BRINP3: variants seen among roughly 807,000 people sequenced by gnomAD.
The protein encoded by BRINP3 is BMP/retinoic acid inducible neural specific 3.
BRINP3 carries 19 observed loss-of-function variants against 71.0 expected under a neutral mutation model. That is an observed-to-expected ratio of 0.27 (90% CI 0.19 to 0.39). BRINP3 has a LOEUF of 0.39. BRINP3 is among the 10% of genes least tolerant of loss of function. The pLI, the probability that BRINP3 is intolerant of heterozygous loss-of-function variation, is 1.00. For synonymous variants in BRINP3, 380 were observed against 337.7 expected, an observed-to-expected ratio of 1.13 and a Z score of -1.37; for missense variants, 959 against 940.8, an observed-to-expected ratio of 1.02 and a Z score of -0.25.
chr1:190,409,945 A>G (rs539350722), intron 2 of BRINP3, among the ~76,000 whole-genome samples: 1 of 152,166 alleles, frequency 6.6e-6, no homozygotes, highest in African/African-American at 2.4e-5. Context: ...GGAAACCATT[A>G]GACTGTTTTA....
At chr1:190,234,582 T>A (rs1185936254) in intron 4 of BRINP3, 105 bp from the exon 5 acceptor site, 1 of 778,264 alleles carries the variant, frequency 1.3e-6, no homozygotes. Context: ...ACAGTAAATA[T>A]CACTGAAAGG....
At chr1:190,261,795 A>G (rs1039081997) in intron 4 of BRINP3, among the ~76,000 whole-genome samples, 2 of 152,210 alleles carry the variant, frequency 1.3e-5, no homozygotes, top group African/African-American at 4.8e-5. Context: ...TTAGTTTGAC[A>G]ATTTAAAGCA....
intron 7 of BRINP3, among the ~76,000 whole-genome samples, chr1:190,149,966 A>T (rs1217711303): frequency 6.6e-6 from 1 of 151,960 alleles, no homozygotes; most frequent in East Asian, 1.9e-4. Flanking sequence ...GAGATAGGAG[A>T]TTTTTATTTC....
intron 7 of BRINP3, 34 bp from the exon 8 acceptor site, chr1:190,099,168 T>C: frequency 1.3e-6 from 2 of 1,589,120 alleles, no homozygotes; most frequent in Non-Finnish European, 1.7e-6. Context: ...TCTACATAAA[T>C]ACAAAGATAT....
intron 7 of BRINP3, among the ~76,000 whole-genome samples, chr1:190,122,491 T>A (rs1008497917): frequency 6.7e-6 from 1 of 149,134 alleles, no homozygotes; most frequent in South Asian, 2.1e-4. Context: ...CAGAGGCAGA[T>A]TGAAGTAATG....
chr1:190,199,962 C>T (rs1654855831), intron 6 of BRINP3, among the ~76,000 whole-genome samples: 1 of 151,836 alleles, frequency 6.6e-6, no homozygotes, highest in South Asian at 2.1e-4. Context: ...ACCATTTTTC[C>T]CTCTTAGTTT....
intron 4 of BRINP3, among the ~76,000 whole-genome samples, chr1:190,257,238 A>T (rs1302702244): frequency 6.6e-6 from 1 of 151,792 alleles, no homozygotes; most frequent in Non-Finnish European, 1.5e-5. Context: ...CATTAATTTG[A>T]TCTTCAATCA....
chr1:190,351,218 A>ATG lies in BRINP3; in HGVS notation c.237-69470_237-69469dup, dbSNP rs370905446. 2.6e-4 allele frequency among the ~76,000 whole-genome samples: 40 copies of ATG among 151,582 alleles called. No homozygotes were observed. In the South Asian group the frequency reaches 3.1e-3, roughly 12 times the overall value. ...ATTTTAGAGATCTTACACATTGTGT[A>ATG]TGTGTGTGTGTGTGTTTTGCATTGC... On this transcript the variant is annotated intron_variant, in intron 2 of 7. Coordinates refer to ENST00000367462, the MANE Select transcript of BRINP3 (RefSeq NM_199051.3).
intron 6 of BRINP3, among the ~76,000 whole-genome samples, chr1:190,224,742 A>T (rs896111645): frequency 2.0e-5 from 3 of 151,980 alleles, no homozygotes; most frequent in African/African-American, 7.2e-5. Flanking sequence ...CTGTCCAGGG[A>T]TTAATAACCA....
intron 2 of BRINP3, among the ~76,000 whole-genome samples, chr1:190,338,588 A>G (rs1188594112): frequency 6.6e-6 from 1 of 152,064 alleles, no homozygotes; most frequent in African/African-American, 2.4e-5. Flanking sequence ...ATATCAAAAC[A>G]TAAGTGATGT....
chr1:190,133,668 T>G (rs1031565815), intron 7 of BRINP3, among the ~76,000 whole-genome samples: 8 of 152,072 alleles, frequency 5.3e-5, no homozygotes, highest in African/African-American at 1.7e-4. Context: ...AAAAACATGA[T>G]GCATAATACA....
chr1:190,195,627 G>A (rs1195273479), intron 6 of BRINP3, among the ~76,000 whole-genome samples: 4 of 151,676 alleles, frequency 2.6e-5, no homozygotes, highest in Admixed American at 1.3e-4. Context: ...TCATAGAAAG[G>A]TACATACATA....
intron 1 of BRINP3, among the ~76,000 whole-genome samples, chr1:190,464,142 T>A (rs918639500): frequency 6.6e-6 from 1 of 151,348 alleles, no homozygotes; most frequent in Non-Finnish European, 1.5e-5. Context: ...AAAGTGTTTT[T>A]TTTTAAAAAA....
At chr1:190,402,937 GGC>G (rs1294043663) in intron 2 of BRINP3, among the ~76,000 whole-genome samples, 1 of 152,068 alleles carries the variant, frequency 6.6e-6, no homozygotes. Context: ...ATGTTGCCCA[GGC>G]TGGTCTCCAA....
chr1:190,148,442 A>G (rs2102412470), intron 7 of BRINP3, among the ~76,000 whole-genome samples: 1 of 151,840 alleles, frequency 6.6e-6, no homozygotes, highest in African/African-American at 2.4e-5. Flanking sequence ...AAATACAAAA[A>G]AAAACTAGCC....
chr1:190,441,595 CATAGGAGCT>C (rs1207120086), intron 2 of BRINP3, among the ~76,000 whole-genome samples: 1 of 152,028 alleles, frequency 6.6e-6, no homozygotes, highest in Non-Finnish European at 1.5e-5. Flanking sequence ...CAAATGAATA[CATAGGAGCT>C]ATTCCTTTAA....
intron 2 of BRINP3, among the ~76,000 whole-genome samples, chr1:190,358,297 C>G (rs1449888623): frequency 6.6e-6 from 1 of 152,122 alleles, no homozygotes; most frequent in Admixed American, 6.6e-5. Context: ...CTACAATGAA[C>G]TCAAACAAAT....
At chr1:190,443,646 G>T (rs1440211452) in intron 2 of BRINP3, among the ~76,000 whole-genome samples, 1 of 152,114 alleles carries the variant, frequency 6.6e-6, no homozygotes, top group African/African-American at 2.4e-5. Flanking sequence ...TGTTGTAAAA[G>T]TATCACAGGA....
intron 4 of BRINP3, among the ~76,000 whole-genome samples, chr1:190,244,629 T>A (rs1659419164): frequency 6.6e-6 from 1 of 152,118 alleles, no homozygotes; most frequent in Non-Finnish European, 1.5e-5. Flanking sequence ...CAAAGCAATC[T>A]GTCACTGTCA....
Sources: gnomAD v4.1 joint callset for allele counts (sites outside exome capture counted in the v4.1 genomes callset) on GRCh38, gnomAD v4.1.1 for gene constraint, MANE v1.5 for transcripts, NCBI Gene and HGNC (gene_info 2026-07-23, HGNC 2026-07-21) for gene names.